The following AGAP1 variants were observed in gnomAD, a reference collection of about 807,000 sequenced individuals.
The protein encoded by AGAP1 is ArfGAP with GTPase domain, ankyrin repeat and PH domain 1, also known as arf-GAP with GTPase, ANK repeat and PH domain-containing protein 1.
AGAP1 carries 29 observed loss-of-function variants against 105.3 expected under a neutral mutation model. The ratio of observed to expected loss-of-function variants is 0.28; its 90% CI spans 0.21 to 0.38. The LOEUF is 0.38. Ranked by LOEUF, AGAP1 falls within the 10% of genes least tolerant of loss-of-function variation. AGAP1 has a pLI of 1.00. For synonymous variants in AGAP1, 509 were observed against 485.9 expected, an observed-to-expected ratio of 1.05 and a Z score of -0.63; for missense variants, 998 against 1,165.1, an observed-to-expected ratio of 0.86 and a Z score of 2.09.
At chr2:236,097,746 C>T (rs2059230138) in intron 16 of AGAP1, among the ~76,000 whole-genome samples, 1 of 152,130 alleles carries the variant, frequency 6.6e-6, no homozygotes, top group South Asian at 2.1e-4. Flanking sequence ...CATTGCTGCG[C>T]AACCATCACG....
intron 11 of AGAP1, among the ~76,000 whole-genome samples, chr2:235,917,099 T>G (rs893114310): frequency 6.6e-6 from 1 of 152,168 alleles, no homozygotes; most frequent in Non-Finnish European, 1.5e-5. Flanking sequence ...TATGGATATG[T>G]TTTTATCCTA....
At position 235,633,666 on chromosome 2, in the gene AGAP1, C is replaced by T. The variant is rs1946900725; in HGVS notation, c.164-75513C>T. 6.6e-6 allele frequency among the ~76,000 whole-genome samples: 1 copy of T among 152,140 alleles called. No homozygotes were observed. Among genetic ancestry groups the T allele is most frequent in the African/African-American group, 2.4e-5 (1 of 41,432 alleles). On this transcript the variant is annotated intron_variant, in intron 1 of 17. Coordinates refer to ENST00000304032, the MANE Select transcript of AGAP1 (RefSeq NM_001037131.3). The surrounding 1 kb of genome is among the most constrained non-coding windows in gnomAD (Gnocchi z 4.8). ...CTACAAGGCCTGTCTGTTCAGATTC[C>T]TCTTGGCCTCTGTGTAACATTTCTT...
chr2:235,928,311 G>T (rs546580577), intron 11 of AGAP1, among the ~76,000 whole-genome samples: 1 of 152,224 alleles, frequency 6.6e-6, no homozygotes, highest in Non-Finnish European at 1.5e-5. Flanking sequence ...ATGGGTGGAT[G>T]TGTGGGATTG....
chr2:235,855,410 T>C lies in AGAP1; in HGVS notation c.1051-27935T>C, dbSNP rs1272061502. Among the ~76,000 whole-genome samples the C allele has an allele frequency of 6.6e-6, 1 of 152,244 alleles. No homozygotes were observed. Among genetic ancestry groups the C allele is most frequent in the Non-Finnish European group, 1.5e-5 (1 of 68,046 alleles). On this transcript the variant is annotated intron_variant, in intron 9 of 17. Coordinates refer to ENST00000304032, the MANE Select transcript of AGAP1 (RefSeq NM_001037131.3). This position sits in a 1 kb window ranked among gnomAD's most constrained non-coding sequence, Gnocchi z 5.0. ...CTCTTTGCTATACTACATTTAAAGA[T>C]AATTGCTAAAGTTTCTTTAGATGTC...
rs779646666 is a variant in AGAP1 at position 236,000,253 on chromosome 2, G to A, written c.1645+31630G>A. On this transcript the variant is annotated intron_variant, in intron 13 of 17. Transcript: ENST00000304032. This position sits in a 1 kb window ranked among gnomAD's most constrained non-coding sequence, Gnocchi z 4.3. ...GGTTCTTAAAACTTCGACTTGAAGC[G>A]AAAGGACTTATAATGAAGCCAGTTT... 1.3e-4 allele frequency among the ~76,000 whole-genome samples: 20 copies of A among 152,138 alleles called. No individual in the cohort carries two copies. Among genetic ancestry groups the A allele is most frequent in the Non-Finnish European group, 2.5e-4 (17 of 68,026 alleles).
intron 1 of AGAP1, among the ~76,000 whole-genome samples, chr2:235,540,941 G>A (rs1360910029): frequency 3.3e-5 from 5 of 152,040 alleles, no homozygotes; most frequent in African/African-American, 1.2e-4. Context: ...CTCTCTATGT[G>A]GTCATTCAGT....
rs910045520 is a variant in AGAP1 at position 235,750,002 on chromosome 2, C to T, written c.539-352C>T. 2.0e-5 allele frequency among the ~76,000 whole-genome samples: 3 copies of T among 152,084 alleles called. No homozygotes were observed. The highest frequency in any genetic ancestry group is 7.2e-5 in the African/African-American group (3 of 41,450). ...CCAGTGTAGGGAGTATGCTTAGCCA[C>T]CTGCGTGGTGCACAGAAGGGGGCCT... On this transcript the variant is annotated intron_variant, in intron 5 of 17. Coordinates refer to ENST00000304032, the MANE Select transcript of AGAP1 (RefSeq NM_001037131.3). This position sits in a 1 kb window ranked among gnomAD's most constrained non-coding sequence, Gnocchi z 5.3.
intron 9 of AGAP1, among the ~76,000 whole-genome samples, chr2:235,859,541 GT>G (rs34414886): frequency 0.028 from 4,090 of 144,690 alleles, 95 homozygotes; most frequent in Middle Eastern, 0.086. Flanking sequence ...TTTCTGAGCA[GT>G]TTTTTTTTTT....
chr2:235,603,207 G>A (rs917553738), intron 1 of AGAP1, among the ~76,000 whole-genome samples: 2 of 152,010 alleles, frequency 1.3e-5, no homozygotes, highest in Admixed American at 6.5e-5. Flanking sequence ...AACCCCTTTT[G>A]CTCGGCTCTC....
Position 235,882,589 on chromosome 2 carries a change from G to C in AGAP1, c.1051-756G>C. ...AGCAATTCCCCTGCTCAGCCTCCCC[G>C]AGTAGCTGGGATTATAGGTGCCCAC... On this transcript the variant is annotated intron_variant, in intron 9 of 17. Coordinates refer to ENST00000304032, the MANE Select transcript of AGAP1 (RefSeq NM_001037131.3). This position sits in a 1 kb window ranked among gnomAD's most constrained non-coding sequence, Gnocchi z 4.6. The C allele has an allele frequency of 2.0e-6, 1 of 506,408 alleles. No individual in the cohort carries two copies. 31.4% of individuals were successfully genotyped at this position (506,408 alleles called of 1,614,324 possible).
chr2:235,500,877 G>A (rs1410029217), intron 1 of AGAP1, among the ~76,000 whole-genome samples: 1 of 152,150 alleles, frequency 6.6e-6, no homozygotes, highest in East Asian at 1.9e-4. Context: ...TGGTCCCATG[G>A]CGGCCTGGGC....
Position 235,869,466 on chromosome 2 carries a change from C to A in AGAP1, c.1051-13879C>A. On this transcript the variant is annotated intron_variant, in intron 9 of 17. Coordinates refer to ENST00000304032, the MANE Select transcript of AGAP1 (RefSeq NM_001037131.3). The stretch of plus-strand genomic sequence containing the variant: ...AAAAAAAAAAATTAGCCGGGCGTGA[C>A]GGCAGGTGCCTGTAATCCCAGCTAC... Among the ~76,000 whole-genome samples, 3 of 141,826 alleles carry A rather than the reference C, an allele frequency of 2.1e-5. No individual in the cohort carries two copies. The South Asian group carries it at 7.0e-4, about 33-fold the overall frequency. 93.0% of individuals were successfully genotyped at this position (141,826 alleles called of 152,430 possible).
rs1252297203 is a variant in AGAP1 at position 235,788,987 on chromosome 2, A to G, written c.674-8772A>G. The stretch of plus-strand genomic sequence containing the variant: ...TCTAGCCCAGGGTGACTATGGGAAC[A>G]GACATTCCTGATTTTTGGCAGCTCG... On this transcript the variant is annotated intron_variant, in intron 6 of 17. Coordinates refer to ENST00000304032, the MANE Select transcript of AGAP1 (RefSeq NM_001037131.3). The surrounding 1 kb of genome is among the most constrained non-coding windows in gnomAD (Gnocchi z 6.0). Among the ~76,000 whole-genome samples, 1 of 152,122 alleles carries G rather than the reference A, an allele frequency of 6.6e-6. No individual in the cohort carries two copies. The highest frequency in any genetic ancestry group is 1.5e-5 in the Non-Finnish European group (1 of 67,950).
intron 12 of AGAP1, among the ~76,000 whole-genome samples, chr2:235,935,228 C>G (rs182064191): frequency 2.2e-4 from 33 of 152,294 alleles, no homozygotes; most frequent in Admixed American, 2.0e-3. Flanking sequence ...AGAGAAAATG[C>G]AGACAGCTCG....
At chr2:236,033,373 A>T (rs1413466241) in intron 13 of AGAP1, among the ~76,000 whole-genome samples, 3 of 152,220 alleles carry the variant, frequency 2.0e-5, no homozygotes, top group Non-Finnish European at 2.9e-5. Flanking sequence ...TCCCCTAAGT[A>T]GAGTTTGCAT....
Position 235,744,800 on chromosome 2 carries a change from A to C in AGAP1, c.499A>C (p.Asn167His), listed in dbSNP as rs1952802298. The change falls in exon 5 of 18, where the codon AAC becomes CAC. Residue 167 changes from asparagine (N) to histidine (H), a missense_variant. Around this residue, in one of 3 missense-constraint regions of AGAP1, gnomAD observed 735 missense variants for 833.4 expected, o/e 0.88. Coordinates refer to ENST00000304032, the MANE Select transcript of AGAP1 (RefSeq NM_001037131.3). The surrounding 1 kb of genome is among the most constrained non-coding windows in gnomAD (Gnocchi z 5.2). ...CTACAGTCGAATGGCCAACTATCGG[A>C]ACACGAGCGAGATTCCTCTGGTTCT... ...HYYSRMANYR[N>H]TSEIPLVLVG... 6.2e-7 allele frequency: 1 copy of C among 1,613,936 alleles called. No individual in the cohort carries two copies. The highest frequency in any genetic ancestry group is 1.3e-5 in the African/African-American group (1 of 74,894).
intron 1 of AGAP1, among the ~76,000 whole-genome samples, chr2:235,616,399 T>TA (rs1310805672): frequency 2.0e-5 from 3 of 152,034 alleles, no homozygotes; most frequent in Non-Finnish European, 4.4e-5. Context: ...TTCATCTGGT[T>TA]AAGTTCAGTG....
Position 235,760,202 on chromosome 2 carries a change from G to A in AGAP1, c.673+9714G>A, listed in dbSNP as rs777305850. On this transcript the variant is annotated intron_variant, in intron 6 of 17. Coordinates refer to ENST00000304032, the MANE Select transcript of AGAP1 (RefSeq NM_001037131.3). ...TTGAGACCAGCCTGGCCAACATGCCGAAACCCCCCTCTCTAAAAATACAAA... is the reference window on the plus strand; with the variant it reads ...TTGAGACCAGCCTGGCCAACATGCCAAAACCCCCCTCTCTAAAAATACAAA... Among the ~76,000 whole-genome samples the A allele has an allele frequency of 3.9e-5, 6 of 152,232 alleles. 1 individual carries two copies. In the South Asian group the frequency reaches 6.2e-4, roughly 16 times the overall value.
intron 9 of AGAP1, among the ~76,000 whole-genome samples, chr2:235,811,563 T>A (rs2048461827): frequency 6.6e-6 from 1 of 152,204 alleles, no homozygotes; most frequent in South Asian, 2.1e-4. Flanking sequence ...ACAGGCCAAC[T>A]GTATTTACTG....
Sources: allele counts gnomAD v4.1 joint callset (sites outside exome capture counted in the v4.1 genomes callset), GRCh38; gene constraint gnomAD v4.1.1; regional missense constraint gnomAD v4.1.1; non-coding constraint Gnocchi (gnomAD v3.1); transcripts MANE v1.5; gene names NCBI Gene and HGNC (gene_info 2026-07-23, HGNC 2026-07-21).